Variants in SYNDIG1 observed in about 807,000 individuals in gnomAD.
SYNDIG1 encodes the protein synapse differentiation-inducing gene protein 1.
A neutral mutation model predicts 19.4 loss-of-function variants in SYNDIG1; 9 were observed. That is an observed-to-expected ratio of 0.46 (90% CI 0.28 to 0.81). The LOEUF is 0.81. Ranked by LOEUF, SYNDIG1 falls within the 30% of genes least tolerant of loss-of-function variation. The pLI is 0.12. For missense variants in SYNDIG1, 311 were observed against 343.3 expected, an observed-to-expected ratio of 0.91 and a Z score of 0.74; for synonymous variants, 141 against 145.9, an observed-to-expected ratio of 0.97 and a Z score of 0.24.
At chr20:24,567,239 C>G (rs540773827) in intron 2 of SYNDIG1, among the ~76,000 whole-genome samples, 3 of 152,324 alleles carry the variant, frequency 2.0e-5, no homozygotes, top group Non-Finnish European at 4.4e-5. Context: ...GTGCTTCCCC[C>G]TGGCAGTTCA....
intron 2 of SYNDIG1, among the ~76,000 whole-genome samples, chr20:24,557,202 T>G (rs866491197): frequency 2.0e-5 from 3 of 152,316 alleles, no homozygotes; most frequent in African/African-American, 4.8e-5. Context: ...TAGGTATCCA[T>G]TCGTCTAAAT....
At chr20:24,599,623 A>G (rs2058648210) in intron 3 of SYNDIG1, among the ~76,000 whole-genome samples, 2 of 152,372 alleles carry the variant, frequency 1.3e-5, no homozygotes, top group African/African-American at 2.4e-5. Flanking sequence ...AAAATGTGGT[A>G]TAGATACACA....
intron 3 of SYNDIG1, among the ~76,000 whole-genome samples, chr20:24,606,787 T>C (rs2058763105): frequency 6.6e-6 from 1 of 152,152 alleles, no homozygotes; most frequent in Non-Finnish European, 1.5e-5. Flanking sequence ...AGCAAGAAGA[T>C]TGGAGTCAGC....
intron 3 of SYNDIG1, among the ~76,000 whole-genome samples, chr20:24,600,724 C>T (rs986876077): frequency 2.6e-5 from 4 of 151,300 alleles, no homozygotes; most frequent in South Asian, 2.1e-4. Flanking sequence ...AAGCAATTCT[C>T]GTGTCTCAGC....
chr20:24,524,586 C>T (rs890248615), intron 1 of SYNDIG1, among the ~76,000 whole-genome samples: 1 of 151,186 alleles, frequency 6.6e-6, no homozygotes, highest in Admixed American at 6.6e-5. Flanking sequence ...GCGGAGCTTA[C>T]AGTGAGCTGA....
chr20:24,487,603 G>T (rs1173722353), intron 1 of SYNDIG1, among the ~76,000 whole-genome samples: 1 of 152,212 alleles, frequency 6.6e-6, no homozygotes, highest in Non-Finnish European at 1.5e-5. Flanking sequence ...ACATGGAAAT[G>T]CACCCCCACG....
chr20:24,579,834 G>A (rs1013075122), intron 2 of SYNDIG1, among the ~76,000 whole-genome samples: 1 of 152,202 alleles, frequency 6.6e-6, no homozygotes, highest in African/African-American at 2.4e-5. Flanking sequence ...TCCTGAAACA[G>A]GTGCCTCACA....
At chr20:24,558,523 A>G (rs536936190) in intron 2 of SYNDIG1, among the ~76,000 whole-genome samples, 1 of 152,358 alleles carries the variant, frequency 6.6e-6, no homozygotes, top group South Asian at 2.1e-4. Context: ...CATTGGCATT[A>G]ACCATAATTT....
chr20:24,485,566 T>A (rs899392141), intron 1 of SYNDIG1, among the ~76,000 whole-genome samples: 38 of 152,246 alleles, frequency 2.5e-4, no homozygotes, highest in Non-Finnish European at 1.0e-4. Context: ...CTAATTTTGA[T>A]ATAATTTGGA....
chr20:24,528,808 T>A (rs1302914052), intron 1 of SYNDIG1, among the ~76,000 whole-genome samples: 3 of 152,210 alleles, frequency 2.0e-5, no homozygotes. Context: ...TCTGAGACTA[T>A]CCATGGGCAT....
chr20:24,506,367 G>A (rs6138309), intron 1 of SYNDIG1, among the ~76,000 whole-genome samples: 97,180 of 152,120 alleles, frequency 0.64, 31,224 homozygotes, highest in Middle Eastern at 0.76. Flanking sequence ...GTGATGCCAC[G>A]TCTGAGTTGT....
At chr20:24,626,964 C>T (rs1275387806) in intron 3 of SYNDIG1, among the ~76,000 whole-genome samples, 3 of 150,886 alleles carry the variant, frequency 2.0e-5, no homozygotes, top group African/African-American at 4.9e-5. Flanking sequence ...CAATCGCAGG[C>T]ACTCGGCAGG....
chr20:24,549,610 C>G (rs1306000422), intron 2 of SYNDIG1, among the ~76,000 whole-genome samples: 3 of 152,160 alleles, frequency 2.0e-5, no homozygotes, highest in Non-Finnish European at 1.5e-5. Flanking sequence ...GACTGCAACC[C>G]CACTGTTACA....
chr20:24,622,707 C>T (rs1464611051), intron 3 of SYNDIG1, among the ~76,000 whole-genome samples: 3 of 152,134 alleles, frequency 2.0e-5, no homozygotes, highest in Non-Finnish European at 4.4e-5. Context: ...TGAAATTGGT[C>T]CCTGGTGCCA....
chr20:24,655,991 T>C (rs996178507), intron 3 of SYNDIG1, among the ~76,000 whole-genome samples: 2 of 152,236 alleles, frequency 1.3e-5, no homozygotes, highest in Non-Finnish European at 2.9e-5. Flanking sequence ...GTGCGTGTAC[T>C]ATGGGACCTA....
At chr20:24,608,169 T>C (rs1345517174) in intron 3 of SYNDIG1, among the ~76,000 whole-genome samples, 2 of 150,526 alleles carry the variant, frequency 1.3e-5, no homozygotes, top group South Asian at 2.1e-4. Context: ...GAAATTATTT[T>C]AAATTTTGGC....
intron 1 of SYNDIG1, among the ~76,000 whole-genome samples, chr20:24,513,926 T>C (rs189395461): frequency 2.0e-5 from 3 of 152,288 alleles, no homozygotes; most frequent in Non-Finnish European, 4.4e-5. Context: ...CACGGATCTC[T>C]CGGCAGAAAC....
At chr20:24,513,428 A>G (rs1451703529) in intron 1 of SYNDIG1, among the ~76,000 whole-genome samples, 1 of 152,230 alleles carries the variant, frequency 6.6e-6, no homozygotes, top group Non-Finnish European at 1.5e-5. Context: ...AGAAGCCCTT[A>G]AATGACCTGA....
chr20:24,585,171 G>A (rs2058396620), intron 3 of SYNDIG1, among the ~76,000 whole-genome samples, 178 bp downstream of exon 3: 1 of 152,214 alleles, frequency 6.6e-6, no homozygotes, highest in Admixed American at 6.5e-5. Flanking sequence ...CTGGGGCCGG[G>A]AGGAGGCATT....
Sources: allele counts gnomAD v4.1 joint callset (sites outside exome capture counted in the v4.1 genomes callset), GRCh38; gene constraint gnomAD v4.1.1; transcripts MANE v1.5; gene names NCBI Gene and HGNC (gene_info 2026-07-23, HGNC 2026-07-21).